The following ADGRD1 variants were observed in gnomAD, a reference collection of about 807,000 sequenced individuals.
ADGRD1 encodes adhesion G protein-coupled receptor D1.
ADGRD1 carries 77 observed loss-of-function variants against 113.4 expected under a neutral mutation model. The observed-to-expected ratio is 0.68, with a 90% CI of 0.57 to 0.82. The LOEUF is 0.82. ADGRD1 is among the 40% of genes least tolerant of loss of function. ADGRD1 has a pLI of 0.00. For synonymous variants in ADGRD1, 474 were observed against 475.0 expected (o/e 1.00, Z 0.03); for missense variants, 1,036 against 1,139.1 (o/e 0.91, Z 1.30).
At position 131,136,873 on chromosome 12, in the gene ADGRD1, C is replaced by T. The variant is rs796175276; in HGVS notation, c.2395-100C>T. ...TCATGGGACCTGGTGTCACAGTGTG[C>T]GGTGCCAGTGCCACTCCCAGGCTGC... On this transcript the variant is annotated intron_variant, in intron 22 of 24. Transcript: ENST00000261654. 1.2e-4 allele frequency: 109 copies of T among 936,720 alleles called. 1 individual carries two copies. The highest frequency in any genetic ancestry group is 4.6e-4 in the South Asian group (35 of 76,658). The allele number at this position is 936,720 out of a possible 1,614,324, so 58.0% of individuals were successfully genotyped here. A position where few individuals can be genotyped will look rare whatever the true frequency, so the allele number is the denominator to read the frequency against.
chr12:130,999,293 T>G (rs1876026766), intron 8 of ADGRD1, among the ~76,000 whole-genome samples: 1 of 152,266 alleles, frequency 6.6e-6, no homozygotes, highest in Admixed American at 6.5e-5. Context: ...GTTGAGTGTT[T>G]GTGACACAGG....
intron 13 of ADGRD1, among the ~76,000 whole-genome samples, chr12:131,071,203 AAGG>A (rs1456801328): frequency 7.2e-6 from 1 of 139,490 alleles, no homozygotes; most frequent in Non-Finnish European, 1.5e-5. Flanking sequence ...GGCTAAGCGA[AAGG>A]AGGTGGAGCC....
intron 13 of ADGRD1, among the ~76,000 whole-genome samples, chr12:131,066,896 G>A (rs377562511): frequency 6.6e-6 from 1 of 152,298 alleles, no homozygotes; most frequent in Non-Finnish European, 1.5e-5. Context: ...TTCCGGGCCC[G>A]GGGGCAACTT....
intron 18 of ADGRD1, among the ~76,000 whole-genome samples, chr12:131,114,143 T>C (rs1950409741): frequency 6.6e-6 from 1 of 152,174 alleles, no homozygotes; most frequent in South Asian, 2.1e-4. Context: ...TTGGGGTGTG[T>C]GTGTTTGACA....
At position 131,060,550 on chromosome 12, in the gene ADGRD1, C is replaced by G. The variant is rs1181643339; in HGVS notation, c.1474-16251C>G. Among the ~76,000 whole-genome samples the G allele has an allele frequency of 6.6e-6, 1 of 152,160 alleles. No homozygotes were observed. Among genetic ancestry groups the G allele is most frequent in the Admixed American group, 6.5e-5 (1 of 15,270 alleles). Reference sequence around the variant, plus strand: ...CAAGTCAGTCCTGGGTGACAGAGGCCGTGGCCAAGGGGGCCTTACGGACAC... The same window carrying G: ...CAAGTCAGTCCTGGGTGACAGAGGCGGTGGCCAAGGGGGCCTTACGGACAC... On this transcript the variant is annotated intron_variant, in intron 13 of 24. Transcript: ENST00000261654. The surrounding 1 kb of genome is among the most constrained non-coding windows in gnomAD (Gnocchi z 4.4).
chr12:131,123,492 A>T (rs1950657239), intron 20 of ADGRD1, among the ~76,000 whole-genome samples: 1 of 151,568 alleles, frequency 6.6e-6, no homozygotes, highest in South Asian at 2.1e-4. Context: ...GGCAGATTGG[A>T]AGGGAGGCAA....
At chr12:131,013,906 G>C (rs11061279) in intron 12 of ADGRD1, among the ~76,000 whole-genome samples, 3 of 152,094 alleles carry the variant, frequency 2.0e-5, no homozygotes, top group Non-Finnish European at 4.4e-5. Context: ...CTTTGAGGTC[G>C]AGGGCTCTGT....
rs1039751184 is a variant in ADGRD1, at chr12:131,139,983, C to G, written c.*720C>G. On this transcript the variant is annotated 3_prime_UTR_variant, in exon 25 of 25. Transcript: ENST00000261654. ...CCCTCTGCTCACGTGAAGAGCCGCTCTGGGCCTTGAGGCTGCCTGATGGTG... is the reference window on the plus strand; with the variant it reads ...CCCTCTGCTCACGTGAAGAGCCGCTGTGGGCCTTGAGGCTGCCTGATGGTG... 5 of 152,490 alleles carry G rather than the reference C, an allele frequency of 3.3e-5. No homozygotes were observed. The highest frequency in any genetic ancestry group is 4.8e-5 in the African/African-American group (2 of 41,470). 9.4% of individuals were successfully genotyped at this position (152,490 alleles called of 1,614,324 possible). A position where few individuals can be genotyped will look rare whatever the true frequency, so the allele number is the denominator to read the frequency against.
chr12:131,044,825 G>C (rs920129705), intron 13 of ADGRD1, among the ~76,000 whole-genome samples: 1 of 152,254 alleles, frequency 6.6e-6, no homozygotes, highest in African/African-American at 2.4e-5. Context: ...AGCACACAGA[G>C]CTACTTCATT....
intron 20 of ADGRD1, among the ~76,000 whole-genome samples, chr12:131,122,973 G>A (rs191915962): frequency 2.1e-3 from 309 of 147,614 alleles, no homozygotes; most frequent in Non-Finnish European, 3.8e-3. Flanking sequence ...CTTGTTGTCA[G>A]TGGCCATCAT....
intron 13 of ADGRD1, among the ~76,000 whole-genome samples, chr12:131,067,213 G>C (rs563827641): frequency 3.0e-4 from 45 of 152,342 alleles, no homozygotes; most frequent in African/African-American, 1.0e-3. Flanking sequence ...GTTTGGACAT[G>C]CTCCGTTTGG....
chr12:130,998,332 G>T (rs983261138), intron 8 of ADGRD1, among the ~76,000 whole-genome samples: 5 of 152,180 alleles, frequency 3.3e-5, no homozygotes, highest in East Asian at 1.9e-4. Context: ...CCTGTTTTGG[G>T]GTATCTGGCT....
At position 131,027,591 on chromosome 12, in the gene ADGRD1, T is replaced by G. The variant is rs1334726512; in HGVS notation, c.1473+13251T>G. On this transcript the variant is annotated intron_variant, in intron 13 of 24. Coordinates refer to ENST00000261654, the MANE Select transcript of ADGRD1 (RefSeq NM_198827.5). This position sits in a 1 kb window ranked among gnomAD's most constrained non-coding sequence, Gnocchi z 5.1. ...TTGCTCTGTTAAATGTCTACACATT[T>G]TTTTCTCATTTTAAAATTTATTTTG... 3 of 152,210 alleles carry G rather than the reference T, an allele frequency of 2.0e-5. No individual in the cohort carries two copies. The highest frequency in any genetic ancestry group is 7.2e-5 in the African/African-American group (3 of 41,456). The allele number at this position is 152,210 out of a possible 1,614,324, so 9.4% of individuals were successfully genotyped here.
chr12:131,021,290 G>C (rs1452629577), intron 13 of ADGRD1, among the ~76,000 whole-genome samples: 1 of 151,928 alleles, frequency 6.6e-6, no homozygotes, highest in Non-Finnish European at 1.5e-5. Flanking sequence ...GTCTCATCTC[G>C]GCTGGCACAG....
In ADGRD1 at chr12:131,057,841, T is replaced by G. The variant is rs901280933; in HGVS notation, c.1474-18960T>G. Among the ~76,000 whole-genome samples, 7 of 152,212 alleles carry G rather than the reference T, an allele frequency of 4.6e-5. No homozygotes were observed. The South Asian group carries it at 1.4e-3, about 31-fold the overall frequency. ...GGATGAGGCAGAAAATGGGTCTGCATGTCTCTGCCTTCACTGGTACCTCCC... is the reference window on the plus strand; with the variant it reads ...GGATGAGGCAGAAAATGGGTCTGCAGGTCTCTGCCTTCACTGGTACCTCCC... On this transcript the variant is annotated intron_variant, in intron 13 of 24. Transcript: ENST00000261654. The surrounding 1 kb of genome is among the most constrained non-coding windows in gnomAD (Gnocchi z 4.2).
intron 13 of ADGRD1, chr12:131,070,624 G>T: frequency 3.2e-6 from 1 of 310,708 alleles, no homozygotes; most frequent in Non-Finnish European, 6.6e-6. Context: ...AGGCTGCTGC[G>T]TCATCCAGGT....
rs770316904 is a variant in ADGRD1 at position 131,022,578 on chromosome 12, A to C, written c.1473+8238A>C. ...GCGCTGTCCGGCTCTATCATTACGG[A>C]TTCTGTTGCTCCCGTTGTCGCGGCC... On this transcript the variant is annotated intron_variant, in intron 13 of 24. Coordinates refer to ENST00000261654, the MANE Select transcript of ADGRD1 (RefSeq NM_198827.5). This position sits in a 1 kb window ranked among gnomAD's most constrained non-coding sequence, Gnocchi z 4.6. 6.6e-6 allele frequency among the ~76,000 whole-genome samples: 1 copy of C among 152,056 alleles called. No homozygotes were observed. Among genetic ancestry groups the C allele is most frequent in the South Asian group, 2.1e-4 (1 of 4,822 alleles).
intron 17 of ADGRD1, among the ~76,000 whole-genome samples, chr12:131,107,476 C>A (rs1950260163): frequency 6.6e-6 from 1 of 150,700 alleles, no homozygotes; most frequent in Non-Finnish European, 1.5e-5. Flanking sequence ...TCTGATGGGT[C>A]CCGCTCTCCC....
intron 2 of ADGRD1, among the ~76,000 whole-genome samples, chr12:130,958,710 G>A (rs1342879655): frequency 1.3e-5 from 2 of 152,220 alleles, no homozygotes; most frequent in East Asian, 3.9e-4. Context: ...CGCTCATGAC[G>A]GGCACGGGCG....
Sources: allele counts gnomAD v4.1 joint callset (sites outside exome capture counted in the v4.1 genomes callset), GRCh38; gene constraint gnomAD v4.1.1; non-coding constraint Gnocchi (gnomAD v3.1); transcripts MANE v1.5; gene names NCBI Gene and HGNC (gene_info 2026-07-23, HGNC 2026-07-21).